The following CNTN4 variants were observed in gnomAD, a reference collection of about 807,000 sequenced individuals.
The protein encoded by CNTN4 is contactin 4.
A neutral mutation model predicts 122.5 loss-of-function variants in CNTN4; 77 were observed. The ratio of observed to expected loss-of-function variants is 0.63; its 90% confidence interval spans 0.52 to 0.76. CNTN4 has a LOEUF of 0.76. CNTN4 is among the 30% of genes least tolerant of loss of function. The pLI is 0.00. For missense variants in CNTN4, 1,256 were observed against 1,259.1 expected, an observed-to-expected ratio of 1.00 and a Z score of 0.04; for synonymous variants, 512 against 447.0, an observed-to-expected ratio of 1.15 and a Z score of -1.83.
At chr3:2,945,386 T>C (rs1577359040) in intron 13 of CNTN4, among the ~76,000 whole-genome samples, 1 of 152,286 alleles carries the variant, frequency 6.6e-6, no homozygotes, top group East Asian at 1.9e-4. Flanking sequence ...CTGCCTCATT[T>C]CCTTTTTCCG....
intron 2 of CNTN4, among the ~76,000 whole-genome samples, chr3:2,104,444 C>T (rs146285662): frequency 7.4e-4 from 112 of 152,258 alleles, no homozygotes; most frequent in African/African-American, 2.6e-3. Context: ...GTTCAGTACT[C>T]ATAGAATAGA....
At chr3:2,977,788 A>G (rs74487228) in intron 13 of CNTN4, among the ~76,000 whole-genome samples, 1 of 152,286 alleles carries the variant, frequency 6.6e-6, no homozygotes, top group Non-Finnish European at 1.5e-5. Context: ...TCAAAATGTG[A>G]CCTTATTTGG....
intron 4 of CNTN4, among the ~76,000 whole-genome samples, chr3:2,582,070 C>A (rs1479541): frequency 4.6e-5 from 7 of 152,236 alleles, no homozygotes; most frequent in Non-Finnish European, 1.0e-4. Flanking sequence ...CATTAGAAAG[C>A]GGTGATGGTC....
chr3:2,861,015 C>T (rs1481793285), intron 7 of CNTN4, among the ~76,000 whole-genome samples: 1 of 152,086 alleles, frequency 6.6e-6, no homozygotes, highest in African/African-American at 2.4e-5. Flanking sequence ...GACAAGGTAT[C>T]AATCCATTTA....
intron 3 of CNTN4, among the ~76,000 whole-genome samples, chr3:2,475,692 G>T (rs1430927037): frequency 1.3e-5 from 2 of 152,044 alleles, no homozygotes; most frequent in Admixed American, 1.3e-4. Context: ...GGATGCACTT[G>T]CCTGCCCTAT....
chr3:2,243,590 C>T (rs948873392), intron 2 of CNTN4, among the ~76,000 whole-genome samples: 3 of 151,966 alleles, frequency 2.0e-5, no homozygotes, highest in African/African-American at 7.3e-5. Flanking sequence ...TCCCATGTGG[C>T]CCAGGGAAGC....
intron 12 of CNTN4, 92 bp from the exon 13 acceptor site, chr3:2,925,535 ACT>A: frequency 7.4e-7 from 1 of 1,357,754 alleles, no homozygotes. Flanking sequence ...ACAGAGCAAG[ACT>A]CTGTCTCAAA....
At chr3:2,780,546 A>G (rs185243691) in intron 6 of CNTN4, among the ~76,000 whole-genome samples, 12 of 152,350 alleles carry the variant, frequency 7.9e-5, no homozygotes, top group Non-Finnish European at 1.0e-4. Flanking sequence ...TCTTAAAGAC[A>G]TGGAATTTCT....
chr3:2,994,613 A>ATATG lies in CNTN4; in HGVS notation c.1486+6142_1486+6143insATGT, dbSNP rs370506181. On this transcript the variant is annotated intron_variant, in intron 14 of 24. Coordinates refer to ENST00000418658, the MANE Select transcript of CNTN4 (RefSeq NM_175607.3). ...TTTTTTCATATATATATATATATAT[A>ATATG]TGTGTGTATATATATATTTGTACCA... 8.0e-3 allele frequency among the ~76,000 whole-genome samples: 1,131 copies of ATATG among 142,200 alleles called. 10 individuals carry two copies. The highest frequency in any genetic ancestry group is 0.028 in the African/African-American group (1,059 of 38,260). The allele number at this position is 142,200 out of a possible 152,430, so 93.3% of individuals were successfully genotyped here. A position where few individuals can be genotyped will look rare whatever the true frequency, so the allele number is the denominator to read the frequency against.
chr3:2,865,911 C>G (rs2093718886), intron 7 of CNTN4, among the ~76,000 whole-genome samples: 1 of 152,168 alleles, frequency 6.6e-6, no homozygotes, highest in Non-Finnish European at 1.5e-5. Context: ...TCCCACTGGT[C>G]TTATGGGATA....
At chr3:3,039,046 C>A in intron 19 of CNTN4, 43 bp downstream of exon 19, 1 of 1,503,628 alleles carries the variant, frequency 6.7e-7, no homozygotes, top group Non-Finnish European at 9.3e-7. Flanking sequence ...CGCATCGAAG[C>A]TATTTTATTA....
At chr3:2,355,203 T>C (rs1272681665) in intron 3 of CNTN4, among the ~76,000 whole-genome samples, 1 of 152,220 alleles carries the variant, frequency 6.6e-6, no homozygotes, top group African/African-American at 2.4e-5. Flanking sequence ...TGATAGAATT[T>C]TGTTCGTGTT....
At chr3:2,508,650 G>A (rs1189682974) in intron 3 of CNTN4, among the ~76,000 whole-genome samples, 1 of 152,146 alleles carries the variant, frequency 6.6e-6, no homozygotes, top group Non-Finnish European at 1.5e-5. Flanking sequence ...CCAAAGAGAT[G>A]CCGTTTCTTG....
At chr3:2,953,806 G>A (rs551878366) in intron 13 of CNTN4, among the ~76,000 whole-genome samples, 5 of 152,240 alleles carry the variant, frequency 3.3e-5, no homozygotes, top group East Asian at 1.9e-4. Flanking sequence ...TGGATGACAC[G>A]TGTTCTCTGA....
intron 13 of CNTN4, among the ~76,000 whole-genome samples, chr3:2,982,460 A>G (rs984191281): frequency 6.6e-6 from 1 of 152,102 alleles, no homozygotes; most frequent in African/African-American, 2.4e-5. Flanking sequence ...GGGCTCAAAA[A>G]TGTCATAAGG....
chr3:2,984,461 G>A (rs1021500583), intron 13 of CNTN4, among the ~76,000 whole-genome samples: 2 of 152,192 alleles, frequency 1.3e-5, no homozygotes, highest in Non-Finnish European at 2.9e-5. Flanking sequence ...ATAGGCCAGG[G>A]ATGGTGCCCA....
intron 2 of CNTN4, among the ~76,000 whole-genome samples, chr3:2,299,456 A>G (rs2150057931): frequency 6.6e-6 from 1 of 152,120 alleles, no homozygotes. Context: ...GTAATTTTCT[A>G]TCCCATACCC....
At chr3:2,295,771 G>A (rs552953949) in intron 2 of CNTN4, among the ~76,000 whole-genome samples, 9 of 152,160 alleles carry the variant, frequency 5.9e-5, no homozygotes, top group African/African-American at 7.2e-5. Flanking sequence ...GTCCTGAATC[G>A]TATTGCCTAG....
At chr3:2,613,181 G>T (rs954715326) in intron 4 of CNTN4, among the ~76,000 whole-genome samples, 1 of 152,056 alleles carries the variant, frequency 6.6e-6, no homozygotes, top group African/African-American at 2.4e-5. Context: ...CACACGTGGA[G>T]ACTCCCTGTT....
Sources: allele counts gnomAD v4.1 joint callset (sites outside exome capture counted in the v4.1 genomes callset), GRCh38; gene constraint gnomAD v4.1.1; transcripts MANE v1.5; gene names NCBI Gene and HGNC (gene_info 2026-07-23, HGNC 2026-07-21).